RTN1: variants seen among roughly 807,000 people sequenced by gnomAD.
The protein encoded by RTN1 is reticulon-1.
A neutral mutation model predicts 65.5 loss-of-function variants in RTN1; 25 were observed. That is an observed-to-expected ratio of 0.38 (90% CI 0.28 to 0.53). The LOEUF is 0.53. Among genes scored for constraint, RTN1 ranks in the 20% least tolerant of loss-of-function variants. The pLI is 0.79. For synonymous variants in RTN1, 471 were observed against 447.6 expected (o/e 1.05, Z -0.66); for missense variants, 983 against 1,025.4 (o/e 0.96, Z 0.57).
intron 1 of RTN1, among the ~76,000 whole-genome samples, chr14:59,815,503 CA>C (rs1190857064): frequency 6.6e-6 from 1 of 152,192 alleles, no homozygotes; most frequent in Admixed American, 6.5e-5. Flanking sequence ...GCTTTCTCTT[CA>C]CAAGATTCTC....
chr14:59,809,691 T>C (rs537316265), intron 1 of RTN1, among the ~76,000 whole-genome samples: 1 of 152,120 alleles, frequency 6.6e-6, no homozygotes, highest in Non-Finnish European at 1.5e-5. Context: ...CCAAAGGCAT[T>C]TGGAAGTCTA....
chr14:59,786,167 A>G (rs1886246507), intron 1 of RTN1, among the ~76,000 whole-genome samples: 1 of 152,228 alleles, frequency 6.6e-6, no homozygotes, highest in Non-Finnish European at 1.5e-5. Context: ...CTTGCTAGAC[A>G]TTACTAAACC....
chr14:59,765,787 C>T (rs114377847), intron 1 of RTN1, among the ~76,000 whole-genome samples: 1,924 of 150,976 alleles, frequency 0.013, 40 homozygotes, highest in African/African-American at 0.044. Flanking sequence ...TTTTTAAACT[C>T]CTAAAAATAA....
At chr14:59,867,781 C>G (rs1017434764) in intron 1 of RTN1, among the ~76,000 whole-genome samples, 7 of 152,158 alleles carry the variant, frequency 4.6e-5, no homozygotes, top group Non-Finnish European at 1.0e-4. Context: ...GCATCACACT[C>G]AAAGTCTAAG....
At chr14:59,692,171 C>A (rs573513003) in intron 3 of RTN1, among the ~76,000 whole-genome samples, 2 of 152,236 alleles carry the variant, frequency 1.3e-5, no homozygotes, top group East Asian at 3.9e-4. Flanking sequence ...TGATTCCATA[C>A]CTAGAAAACC....
chr14:59,792,307 A>G (rs1365853119), intron 1 of RTN1, among the ~76,000 whole-genome samples: 1 of 151,984 alleles, frequency 6.6e-6, no homozygotes, highest in Non-Finnish European at 1.5e-5. Context: ...TTGCTCTTCA[A>G]TAGTGAAAAC....
intron 3 of RTN1, chr14:59,610,246 G>A (rs1208105320): frequency 1.4e-6 from 1 of 690,920 alleles, no homozygotes; most frequent in East Asian, 2.7e-5. Flanking sequence ...TGGGCAGAAA[G>A]CATTAGCTAA....
chr14:59,779,002 T>C (rs1886103828), intron 1 of RTN1, among the ~76,000 whole-genome samples: 1 of 152,100 alleles, frequency 6.6e-6, no homozygotes, highest in South Asian at 2.1e-4. Flanking sequence ...AAAGTCACTC[T>C]GGAAGTGTGG....
At chr14:59,768,438 GTT>G (rs1885890634) in intron 1 of RTN1, among the ~76,000 whole-genome samples, 1 of 152,156 alleles carries the variant, frequency 6.6e-6, no homozygotes, top group Non-Finnish European at 1.5e-5. Flanking sequence ...CTCTGCCCTT[GTT>G]TGGGCCAGGC....
At chr14:59,840,760 A>T (rs1397984527) in intron 1 of RTN1, among the ~76,000 whole-genome samples, 1 of 152,234 alleles carries the variant, frequency 6.6e-6, no homozygotes, top group African/African-American at 2.4e-5. Context: ...TCATAATTAA[A>T]GAAATTTTTC....
intron 3 of RTN1, among the ~76,000 whole-genome samples, chr14:59,695,060 C>G (rs1456873224): frequency 2.0e-5 from 3 of 152,138 alleles, no homozygotes; most frequent in East Asian, 1.9e-4. Context: ...AACAGCAATA[C>G]CAGCTTCTCA....
intron 3 of RTN1, among the ~76,000 whole-genome samples, chr14:59,724,980 A>G (rs1315980515): frequency 6.6e-6 from 1 of 152,126 alleles, no homozygotes; most frequent in African/African-American, 2.4e-5. Context: ...AAGAGAGTGG[A>G]GATTATTCAC....
chr14:59,642,195 G>T (rs1378937801), intron 3 of RTN1, among the ~76,000 whole-genome samples: 2 of 152,092 alleles, frequency 1.3e-5, no homozygotes, highest in Admixed American at 6.5e-5. Flanking sequence ...AATTTCAGTT[G>T]AAAGGTCAGT....
At chr14:59,759,632 T>C (rs940071027) in intron 1 of RTN1, among the ~76,000 whole-genome samples, 7 of 151,074 alleles carry the variant, frequency 4.6e-5, no homozygotes, top group Non-Finnish European at 8.8e-5. Context: ...TAGAAAACAA[T>C]ACAGCACATA....
intron 1 of RTN1, among the ~76,000 whole-genome samples, chr14:59,831,716 A>T (rs1887127224): frequency 6.6e-6 from 1 of 152,194 alleles, no homozygotes; most frequent in Admixed American, 6.5e-5. Flanking sequence ...GTCCCAGAAT[A>T]TGGCAGTAGG....
chr14:59,807,511 T>A (rs1886659605), intron 1 of RTN1, among the ~76,000 whole-genome samples: 1 of 152,162 alleles, frequency 6.6e-6, no homozygotes, highest in Non-Finnish European at 1.5e-5. Context: ...AAGGGAAACC[T>A]TTCTGGACTT....
intron 1 of RTN1, among the ~76,000 whole-genome samples, chr14:59,776,882 T>C (rs184162547): frequency 3.9e-5 from 6 of 152,302 alleles, no homozygotes; most frequent in Non-Finnish European, 5.9e-5. Flanking sequence ...TCTGACTGGA[T>C]TGGCTCAGAA....
chr14:59,814,902 T>A (rs1377965274), intron 1 of RTN1, among the ~76,000 whole-genome samples: 1 of 152,256 alleles, frequency 6.6e-6, no homozygotes. Context: ...TATAATATTT[T>A]GGGCTTTTTG....
chr14:59,635,262 G>A lies in RTN1; in HGVS notation c.1766-27770C>T, dbSNP rs113335746. Reference sequence around the variant, plus strand: ...AGTTTGAGAAAATAACATCTTCAAAGTAGCAAACGAATGTAATCATCATCT... The same window carrying A: ...AGTTTGAGAAAATAACATCTTCAAAATAGCAAACGAATGTAATCATCATCT... On this transcript the variant is annotated intron_variant, in intron 3 of 8. Coordinates refer to ENST00000267484, the MANE Select transcript of RTN1 (RefSeq NM_021136.3). 5.4e-3 allele frequency among the ~76,000 whole-genome samples: 824 copies of A among 152,238 alleles called. 8 individuals are homozygous for A. Among genetic ancestry groups the A allele is most frequent in the African/African-American group, 0.017 (708 of 41,528 alleles).
Sources: allele counts gnomAD v4.1 joint callset (sites outside exome capture counted in the v4.1 genomes callset), GRCh38; gene constraint gnomAD v4.1.1; transcripts MANE v1.5; gene names NCBI Gene and HGNC (gene_info 2026-07-23, HGNC 2026-07-21).